Variants in PAK2 observed in about 807,000 individuals in gnomAD.
PAK2 encodes serine/threonine-protein kinase PAK 2.
In PAK2, 21 loss-of-function variants were observed where a neutral mutation model predicts 65.9. The observed-to-expected ratio is 0.32, with a 90% CI of 0.23 to 0.46. The LOEUF is 0.46. PAK2 is among the 20% of genes least tolerant of loss of function. PAK2 has a pLI of 1.00. For missense variants in PAK2, 324 were observed against 642.6 expected, an observed-to-expected ratio of 0.50 and a Z score of 5.36; for synonymous variants, 204 against 219.7, an observed-to-expected ratio of 0.93 and a Z score of 0.63.
intron 4 of PAK2, 27 bp from the exon 5 acceptor site, chr3:196,805,325 T>G: frequency 7.7e-7 from 1 of 1,301,138 alleles, no homozygotes; most frequent in Non-Finnish European, 1.1e-6. Context: ...CTTGAATTGC[T>G]AATGTTATGT....
rs958019555 is a variant in PAK2, at chr3:196,770,161, G to A, written c.-21-12465G>A. On this transcript the variant is annotated intron_variant, in intron 1 of 14. Transcript: ENST00000327134. ...AGTTCCAGCTACTTAGGAGGCTGAG[G>A]TGGGAGGATCACTGGAGCCCAGGAG... 3.3e-4 allele frequency among the ~76,000 whole-genome samples: 50 copies of A among 152,004 alleles called. 2 individuals carry two copies. Among genetic ancestry groups the A allele is most frequent in the African/African-American group, 1.2e-3 (50 of 41,270 alleles).
chr3:196,826,311 A>G (rs964384118), intron 13 of PAK2, among the ~76,000 whole-genome samples: 17 of 152,006 alleles, frequency 1.1e-4, no homozygotes, highest in Non-Finnish European at 7.4e-5. Context: ...AGCTGGGACT[A>G]CAGGCGCCCA....
At chr3:196,741,839 G>A (rs957629707) in intron 1 of PAK2, among the ~76,000 whole-genome samples, 1 of 152,142 alleles carries the variant, frequency 6.6e-6, no homozygotes, top group African/African-American at 2.4e-5. Flanking sequence ...TGTAGATGTT[G>A]GCTTCTCTGC....
intron 1 of PAK2, among the ~76,000 whole-genome samples, chr3:196,781,880 G>A (rs1318021636): frequency 6.6e-6 from 1 of 152,188 alleles, no homozygotes; most frequent in Non-Finnish European, 1.5e-5. Context: ...AAGGTGGGCG[G>A]ATCACCTGAG....
At chr3:196,749,806 G>A (rs1386100697) in intron 1 of PAK2, among the ~76,000 whole-genome samples, 1 of 148,574 alleles carries the variant, frequency 6.7e-6, no homozygotes, top group Non-Finnish European at 1.5e-5. Flanking sequence ...ATTCCAATAG[G>A]TAGTAGTGTT....
chr3:196,826,760 A>C (rs1193300938), intron 13 of PAK2, among the ~76,000 whole-genome samples: 2 of 151,950 alleles, frequency 1.3e-5, no homozygotes, highest in African/African-American at 4.8e-5. Flanking sequence ...ACCTCTACTA[A>C]AAATACAAAG....
intron 1 of PAK2, among the ~76,000 whole-genome samples, chr3:196,752,238 TTTG>T (rs1713628928): frequency 6.6e-6 from 1 of 152,200 alleles, no homozygotes; most frequent in South Asian, 2.1e-4. Flanking sequence ...TTATACCACT[TTTG>T]TTTATCTGTT....
chr3:196,828,366 G>A lies in PAK2; in HGVS notation c.1536G>A (p.Leu512=). 1 of 1,611,142 alleles carries A rather than the reference G, an allele frequency of 6.2e-7. No individual in the cohort carries two copies. Among genetic ancestry groups the A allele is most frequent in the Non-Finnish European group, 8.5e-7 (1 of 1,177,966 alleles). The change falls in exon 15 of 15, where the codon CTG becomes CTA. Residue 512 remains leucine, a synonymous_variant. Transcript: ENST00000327134. The part of the protein sequence containing the change: ...LAKPLSSLTP[L]IMAAKEAMKS... ...AACCGTTATCTAGCTTGACACCACTGATCATGGCAGCTAAAGAAGCAATGA... is the reference window on the plus strand; with the variant it reads ...AACCGTTATCTAGCTTGACACCACTAATCATGGCAGCTAAAGAAGCAATGA...
intron 4 of PAK2, 56 bp from the exon 5 acceptor site, chr3:196,805,296 T>C: frequency 1.2e-6 from 1 of 861,832 alleles, no homozygotes; most frequent in East Asian, 2.7e-5. Flanking sequence ...TTTCCTTTTA[T>C]CATATAAAAG....
intron 2 of PAK2, among the ~76,000 whole-genome samples, chr3:196,796,037 A>C (rs557651953): frequency 6.6e-6 from 1 of 152,346 alleles, no homozygotes; most frequent in African/African-American, 2.4e-5. Flanking sequence ...AGTCCACAGT[A>C]GGGCTCACGC....
chr3:196,794,831 G>A (rs1392518055), intron 2 of PAK2, among the ~76,000 whole-genome samples: 2 of 152,094 alleles, frequency 1.3e-5, no homozygotes, highest in African/African-American at 2.4e-5. Flanking sequence ...ATCCCCTTGG[G>A]GACTCCTCTC....
intron 1 of PAK2, among the ~76,000 whole-genome samples, chr3:196,771,809 A>C (rs1714369525): frequency 6.6e-6 from 1 of 151,880 alleles, no homozygotes; most frequent in Non-Finnish European, 1.5e-5. Context: ...CCACCCGCCT[A>C]AGCCTCCCAA....
In PAK2 at chr3:196,814,496, TGG is replaced by T; in HGVS notation, c.986_987del (p.Gly329ValfsTer4). On this transcript the variant is annotated frameshift_variant, in exon 11 of 15. Transcript: ENST00000327134. LOFTEE classifies it high-confidence loss of function. The stretch of plus-strand genomic sequence containing the variant: ...TGTTTGTGGTCATGGAATACCTTGC[TGG>T]GGGGTCACTCACTGATGTGGTAACA... The part of the protein sequence containing the change: ...ELFVVMEYLA[G>X]GSLTDVVTET... 1 of 1,550,698 alleles carries T rather than the reference TGG, an allele frequency of 6.4e-7. No homozygotes were observed. The highest frequency in any genetic ancestry group is 8.9e-7 in the Non-Finnish European group (1 of 1,127,990).
intron 7 of PAK2, among the ~76,000 whole-genome samples, chr3:196,808,821 A>G (rs535325955): frequency 6.6e-6 from 1 of 152,198 alleles, no homozygotes; most frequent in South Asian, 2.1e-4. Flanking sequence ...AGATCGTGCC[A>G]CTGCACTCCA....
At position 196,808,557 on chromosome 3, in the gene PAK2, C is replaced by CAAAAAAAAAAAA. The variant is rs1208200034; in HGVS notation, c.709+650_709+661dup. Among the ~76,000 whole-genome samples, 152 of 56,514 alleles carry CAAAAAAAAAAAA rather than the reference C, an allele frequency of 2.7e-3. 4 individuals carry two copies. Among genetic ancestry groups the CAAAAAAAAAAAA allele is most frequent in the East Asian group, 4.2e-3 (6 of 1,434 alleles). The allele number at this position is 56,514 out of a possible 152,430, so 37.1% of individuals were successfully genotyped here. ...GCCTGGCAACAGTGAGACTCCATCT[C>CAAAAAAAAAAAA]AAAAAAAAAAAAAAAAAAGCGAACC... On this transcript the variant is annotated intron_variant, in intron 7 of 14. Coordinates refer to ENST00000327134, the MANE Select transcript of PAK2 (RefSeq NM_002577.4).
intron 1 of PAK2, among the ~76,000 whole-genome samples, chr3:196,750,801 C>G (rs1012405146): frequency 1.3e-5 from 2 of 148,224 alleles, no homozygotes; most frequent in Admixed American, 6.7e-5. Context: ...TAAATGCTTT[C>G]TGGTATGTTT....
At chr3:196,753,192 C>T (rs113273851) in intron 1 of PAK2, among the ~76,000 whole-genome samples, 6,813 of 151,526 alleles carry the variant, frequency 0.045, 217 homozygotes, top group African/African-American at 0.087. Context: ...CTCCTGACCT[C>T]GTGATCCGCC....
Position 196,827,316 on chromosome 3 carries a change from G to C in PAK2, c.1471G>C (p.Ala491Pro), listed in dbSNP as rs757994128. 2.3e-5 allele frequency: 37 copies of C among 1,607,356 alleles called. No homozygotes were observed. The highest frequency in any genetic ancestry group is 3.1e-5 in the Non-Finnish European group (36 of 1,178,116). Residue 491 changes from alanine to proline, a missense_variant, in exon 14 of 15, where the codon GCC (alanine) becomes CCC (proline). Around this residue, in one of 5 missense-constraint regions of PAK2, gnomAD observed 43 missense variants for 67.6 expected, o/e 0.64. Transcript: ENST00000327134. ...AATGGATGTGGAAAAAAGGGGTTCA[G>C]CCAAAGAATTATTACAGGTAAATTT... ...LEMDVEKRGS[A>P]KELLQHPFLK... is the part of the protein sequence containing the mutation.
In PAK2 at chr3:196,827,337, A is replaced by G; in HGVS notation, c.1488+4A>G. 1.3e-6 allele frequency: 2 copies of G among 1,597,958 alleles called. No homozygotes were observed. The highest frequency in any genetic ancestry group is 1.7e-6 in the Non-Finnish European group (2 of 1,175,184). ...TTCAGCCAAAGAATTATTACAGGTAAATTTAAAAATGATTTCATTTGGGGG... is the reference window on the plus strand; with the variant it reads ...TTCAGCCAAAGAATTATTACAGGTAGATTTAAAAATGATTTCATTTGGGGG... On this transcript the variant is annotated splice_donor_region_variant and intron_variant, in intron 14 of 14. Transcript: ENST00000327134.
Sources: gnomAD v4.1 joint callset for allele counts (sites outside exome capture counted in the v4.1 genomes callset) on GRCh38, gnomAD v4.1.1 for gene constraint, gnomAD v4.1.1 regional missense constraint, MANE v1.5 for transcripts, NCBI Gene and HGNC (gene_info 2026-07-23, HGNC 2026-07-21) for gene names.